MEMO1: variants seen among roughly 807,000 people sequenced by gnomAD.
MEMO1 encodes the protein protein MEMO1.
MEMO1 carries 6 observed loss-of-function variants against 45.2 expected under a neutral mutation model. The observed-to-expected ratio is 0.13, with a 90% CI of 0.07 to 0.26. The LOEUF (loss-of-function observed/expected upper bound fraction) is 0.26, where lower values mean the gene tolerates loss of function less well. MEMO1 is among the 10% of genes least tolerant of loss of function. MEMO1 has a pLI of 1.00. For synonymous variants in MEMO1, 78 were observed against 124.3 expected (o/e 0.63, Z 2.48); for missense variants, 184 against 370.5 (o/e 0.50, Z 4.13).
At chr2:31,961,476 T>C (rs1667999372) in intron 2 of MEMO1, among the ~76,000 whole-genome samples, 1 of 150,218 alleles carries the variant, frequency 6.7e-6, no homozygotes, top group Non-Finnish European at 1.5e-5. Context: ...AAATATGTTA[T>C]CTTGGGCCAG....
intron 8 of MEMO1, among the ~76,000 whole-genome samples, chr2:31,880,147 G>A (rs956054543): frequency 2.6e-5 from 4 of 152,190 alleles, no homozygotes; most frequent in Admixed American, 6.6e-5. Flanking sequence ...ACAGAGTACC[G>A]GACATATAGC....
At chr2:32,005,482 G>C (rs1266437250) in intron 2 of MEMO1, among the ~76,000 whole-genome samples, 2 of 152,004 alleles carry the variant, frequency 1.3e-5, no homozygotes, top group Non-Finnish European at 2.9e-5. Context: ...TTCTTGAGTT[G>C]AATACTCATT....
At chr2:31,923,585 T>TTA in intron 4 of MEMO1, 2 of 1,495,332 alleles carry the variant, frequency 1.3e-6, no homozygotes, top group Non-Finnish European at 1.8e-6. Flanking sequence ...CTATAGAGAA[T>TTA]GGTAACTCAG....
intron 2 of MEMO1, among the ~76,000 whole-genome samples, chr2:31,995,383 G>A (rs1274036116): frequency 6.6e-6 from 1 of 152,158 alleles, no homozygotes; most frequent in Non-Finnish European, 1.5e-5. Context: ...GAACCTGGGA[G>A]GTGGAGGTTG....
intron 2 of MEMO1, among the ~76,000 whole-genome samples, chr2:31,951,621 C>T (rs537668603): frequency 1.3e-5 from 2 of 152,194 alleles, no homozygotes; most frequent in South Asian, 2.1e-4. Flanking sequence ...CAACCTCCAC[C>T]TCCCAGGTTC....
At chr2:31,873,184 G>A (rs1306396930) in intron 8 of MEMO1, among the ~76,000 whole-genome samples, 1 of 152,124 alleles carries the variant, frequency 6.6e-6, no homozygotes, top group Non-Finnish European at 1.5e-5. Context: ...CTAAGGCCTA[G>A]TATAGTGAAA....
At chr2:31,960,678 G>A (rs895621628) in intron 2 of MEMO1, among the ~76,000 whole-genome samples, 1 of 151,916 alleles carries the variant, frequency 6.6e-6, no homozygotes, top group Admixed American at 6.6e-5. Flanking sequence ...CTCCACTTCC[G>A]GGGTTCAAGC....
At chr2:31,967,000 G>A (rs1054863553) in intron 2 of MEMO1, among the ~76,000 whole-genome samples, 5 of 151,934 alleles carry the variant, frequency 3.3e-5, no homozygotes, top group African/African-American at 1.2e-4. Context: ...GTTCTATAAA[G>A]GACAGAAATA....
intron 4 of MEMO1, 38 bp from the exon 5 acceptor site, chr2:31,920,948 A>C (rs1335068523): frequency 1.5e-6 from 2 of 1,298,376 alleles, no homozygotes; most frequent in East Asian, 2.3e-5. Context: ...TAACAATTGC[A>C]CTTCTACACA....
At chr2:31,970,634 CAA>C (rs1403884555) in intron 2 of MEMO1, among the ~76,000 whole-genome samples, 13 of 130,684 alleles carry the variant, frequency 9.9e-5, no homozygotes, top group Admixed American at 1.6e-4. Flanking sequence ...CAGGATGAAG[CAA>C]AAAAAAAAAA....
intron 8 of MEMO1, among the ~76,000 whole-genome samples, chr2:31,872,814 CTT>C (rs1673983043): frequency 6.6e-6 from 1 of 151,982 alleles, no homozygotes; most frequent in African/African-American, 2.4e-5. Context: ...AGGTATGCCT[CTT>C]TATAAGGAAA....
chr2:31,954,233 C>T (rs925939326), intron 2 of MEMO1, among the ~76,000 whole-genome samples: 6 of 152,178 alleles, frequency 3.9e-5, no homozygotes, highest in African/African-American at 1.4e-4. Flanking sequence ...AATGTTTACA[C>T]GCTCCTGCCT....
intron 7 of MEMO1, among the ~76,000 whole-genome samples, chr2:31,890,504 T>C (rs1676808954): frequency 6.6e-6 from 1 of 152,142 alleles, no homozygotes; most frequent in Admixed American, 6.6e-5. Flanking sequence ...CCTTCAGATC[T>C]AAGTAGTATA....
At chr2:31,963,038 T>C (rs539642442) in intron 2 of MEMO1, 1 of 1,255,730 alleles carries the variant, frequency 8.0e-7, no homozygotes, top group Non-Finnish European at 1.1e-6. Flanking sequence ...CAACATCAGA[T>C]TTCTTCTGCC....
intron 7 of MEMO1, among the ~76,000 whole-genome samples, chr2:31,889,510 A>G (rs756556529): frequency 8.5e-5 from 13 of 152,048 alleles, no homozygotes; most frequent in Admixed American, 2.6e-4. Context: ...CTAATTTAGG[A>G]AAGATACCCA....
At chr2:31,950,952 T>TA (rs1666781287) in intron 2 of MEMO1, among the ~76,000 whole-genome samples, 1 of 152,192 alleles carries the variant, frequency 6.6e-6, no homozygotes, top group Admixed American at 6.5e-5. Context: ...TTCATACCAT[T>TA]AAGAGAATTC....
chr2:31,918,148 AC>A, intron 5 of MEMO1, 111 bp from the exon 6 acceptor site: 1 of 531,412 alleles, frequency 1.9e-6, no homozygotes, highest in Non-Finnish European at 3.1e-6. Flanking sequence ...AGACAGAAAC[AC>A]CATATAATAT....
intron 7 of MEMO1, among the ~76,000 whole-genome samples, chr2:31,890,577 A>C (rs552639990): frequency 6.6e-6 from 1 of 152,248 alleles, no homozygotes; most frequent in East Asian, 1.9e-4. Flanking sequence ...TAAAATCAGT[A>C]ATTAAAGAAC....
At chr2:31,965,297 G>C (rs1447001253) in intron 2 of MEMO1, among the ~76,000 whole-genome samples, 2 of 150,404 alleles carry the variant, frequency 1.3e-5, no homozygotes, top group Non-Finnish European at 2.9e-5. Flanking sequence ...GGGAAGAAGG[G>C]AAGGAGGGAA....
Sources: allele counts gnomAD v4.1 joint callset (sites outside exome capture counted in the v4.1 genomes callset), GRCh38; gene constraint gnomAD v4.1.1; transcripts MANE v1.5; gene names NCBI Gene and HGNC (gene_info 2026-07-23, HGNC 2026-07-21).